Variants in NEBL observed in about 807,000 individuals in gnomAD.
NEBL encodes nebulette, also known as LIM and SH3 protein 2.
A neutral mutation model predicts 140.2 loss-of-function variants in NEBL; 122 were observed. The observed-to-expected ratio is 0.87, with a 90% CI of 0.75 to 1.01. The LOEUF (loss-of-function observed/expected upper bound fraction) is 1.01, where lower values mean the gene tolerates loss of function less well. NEBL is among the 50% of genes least tolerant of loss of function. NEBL has a pLI of 0.00. For missense variants in NEBL, 1,365 were observed against 1,231.3 expected, an observed-to-expected ratio of 1.11 and a Z score of -1.62; for synonymous variants, 436 against 398.9, an observed-to-expected ratio of 1.09 and a Z score of -1.11.
chr10:20,798,907 A>G (rs1020984826), intron 26 of NEBL, among the ~76,000 whole-genome samples: 1 of 152,120 alleles, frequency 6.6e-6, no homozygotes, highest in Non-Finnish European at 1.5e-5. Context: ...ACACTCAGAA[A>G]AGAAAACGTA....
chr10:20,834,397 G>C lies in NEBL; in HGVS notation c.1449+1116C>G, dbSNP rs570641407. Reference sequence around the variant, plus strand: ...TCATGCTCCTGGCCGTCCACCCCTGGCCACCACTTCAAAATGGAACACTTA... The same window carrying C: ...TCATGCTCCTGGCCGTCCACCCCTGCCCACCACTTCAAAATGGAACACTTA... On this transcript the variant is annotated intron_variant, in intron 14 of 27. Transcript: ENST00000377122. Among the ~76,000 whole-genome samples the C allele has an allele frequency of 2.0e-5, 3 of 152,220 alleles. No homozygotes were observed. In the East Asian group the frequency reaches 5.8e-4, roughly 29 times the overall value.
In NEBL at chr10:20,843,210, A is replaced by G. The variant is rs549000659; in HGVS notation, c.1227+2048T>C. On this transcript the variant is annotated intron_variant, in intron 12 of 27. Transcript: ENST00000377122. The stretch of plus-strand genomic sequence containing the variant: ...TATCCCTCTACTGAAGTCACAGTAC[A>G]AAGGTGTCTGCAAGCCGGTAAGAGG... Among the ~76,000 whole-genome samples, 9 of 152,184 alleles carry G rather than the reference A, an allele frequency of 5.9e-5. No individual in the cohort carries two copies. In the East Asian group the frequency reaches 1.4e-3, roughly 23 times the overall value.
intron 27 of NEBL, among the ~76,000 whole-genome samples, chr10:20,786,684 A>C (rs1835437219): frequency 6.6e-6 from 1 of 152,212 alleles, no homozygotes; most frequent in South Asian, 2.1e-4. Flanking sequence ...GACTATGTTG[A>C]GGGCTTGTAG....
chr10:20,848,496 G>A (rs1842169538), intron 11 of NEBL, among the ~76,000 whole-genome samples: 1 of 152,144 alleles, frequency 6.6e-6, no homozygotes, highest in Non-Finnish European at 1.5e-5. Context: ...ATCAACCATG[G>A]CCAGTTAGCA....
At chr10:21,183,365 G>A (rs188857878) in intron 3 of NEBL, among the ~76,000 whole-genome samples, 5 of 152,094 alleles carry the variant, frequency 3.3e-5, no homozygotes, top group Admixed American at 1.3e-4. Context: ...GGGGAGAGCC[G>A]CAACCACAGG....
chr10:20,853,657 A>G (rs183969580), intron 9 of NEBL, among the ~76,000 whole-genome samples: 5 of 152,312 alleles, frequency 3.3e-5, no homozygotes, highest in East Asian at 3.9e-4. Context: ...GCATGGTGAC[A>G]TGCACCTATA....
intron 3 of NEBL, among the ~76,000 whole-genome samples, chr10:21,238,289 A>C (rs183728026): frequency 6.6e-6 from 1 of 152,224 alleles, no homozygotes; most frequent in South Asian, 2.1e-4. Context: ...ATTGACAATT[A>C]TCATGTAACA....
intron 18 of NEBL, 133 bp downstream of exon 18, chr10:20,826,314 T>C: frequency 5.4e-6 from 4 of 746,168 alleles, no homozygotes; most frequent in Non-Finnish European, 7.0e-6. Context: ...ATCTTTGATA[T>C]ATGATGAAAT....
intron 1 of NEBL, among the ~76,000 whole-genome samples, chr10:21,253,442 A>G (rs1395103552): frequency 6.6e-6 from 1 of 152,186 alleles, no homozygotes; most frequent in East Asian, 1.9e-4. Flanking sequence ...CACAGAGGAA[A>G]AATATTGGCT....
At chr10:21,159,869 A>C (rs1564531369) in intron 2 of NEBL, among the ~76,000 whole-genome samples, 1 of 152,218 alleles carries the variant, frequency 6.6e-6, no homozygotes, top group South Asian at 2.1e-4. Context: ...TACGTATCTC[A>C]TAATGTGGCT....
intron 13 of NEBL, among the ~76,000 whole-genome samples, chr10:20,839,749 C>A (rs2130963209): frequency 6.6e-6 from 1 of 152,164 alleles, no homozygotes; most frequent in East Asian, 1.9e-4. Flanking sequence ...AATGATTATG[C>A]CAGGTGTAAG....
intron 2 of NEBL, among the ~76,000 whole-genome samples, chr10:21,110,469 T>C (rs746538644): frequency 6.6e-6 from 1 of 152,186 alleles, no homozygotes; most frequent in Non-Finnish European, 1.5e-5. Context: ...TCTTTTAATA[T>C]CTATACAATC....
chr10:21,253,297 C>T (rs1026935135), intron 1 of NEBL, among the ~76,000 whole-genome samples: 3 of 152,020 alleles, frequency 2.0e-5, no homozygotes, highest in African/African-American at 7.2e-5. Flanking sequence ...AAGGCAGAAG[C>T]CAGAGACTAC....
chr10:20,903,083 G>A (rs1008066601), intron 4 of NEBL, among the ~76,000 whole-genome samples: 1 of 152,108 alleles, frequency 6.6e-6, no homozygotes, highest in Admixed American at 6.5e-5. Flanking sequence ...TATCCATAGA[G>A]GATGTGTTCC....
intron 16 of NEBL, 57 bp from the exon 17 acceptor site, chr10:20,828,691 A>C (rs1290704128): frequency 3.7e-6 from 4 of 1,079,710 alleles, no homozygotes; most frequent in Non-Finnish European, 5.6e-6. Context: ...CACATGTGAG[A>C]GGGAGGGAGG....
chr10:21,029,193 G>A (rs1833673033), intron 2 of NEBL: 1 of 1,392,952 alleles, frequency 7.2e-7, no homozygotes, highest in Non-Finnish European at 1.0e-6. Context: ...TGTATAGGGC[G>A]CCTCCAATTG....
chr10:20,792,014 T>A (rs1221202217), intron 26 of NEBL, among the ~76,000 whole-genome samples: 1 of 151,898 alleles, frequency 6.6e-6, no homozygotes, highest in African/African-American at 2.4e-5. Context: ...AAAAAAATTA[T>A]TTGTGCAGTG....
At chr10:21,167,651 A>T (rs570645869) in intron 2 of NEBL, among the ~76,000 whole-genome samples, 1 of 152,254 alleles carries the variant, frequency 6.6e-6, no homozygotes, top group Non-Finnish European at 1.5e-5. Context: ...TGACTTATAC[A>T]CACAACAAAT....
rs11012354 is a variant in NEBL, at chr10:20,826,395, T to G, written c.1869+52A>C. 1,404 of 1,375,632 alleles carry G rather than the reference T, an allele frequency of 1.0e-3. 16 individuals are homozygous for G. In the East Asian group the frequency reaches 0.025, roughly 24 times the overall value. 85.2% of individuals were successfully genotyped at this position (1,375,632 alleles called of 1,614,324 possible). On this transcript the variant is annotated intron_variant, in intron 18 of 27. Transcript: ENST00000377122. ...GAGTAAAGAACTAAAAACATTTGTC[T>G]ATAGTTTTGGTTTGCTTTTAGAAAA...
Sources: gnomAD v4.1 joint callset for allele counts (sites outside exome capture counted in the v4.1 genomes callset) on GRCh38, gnomAD v4.1.1 for gene constraint, MANE v1.5 for transcripts, NCBI Gene and HGNC (gene_info 2026-07-23, HGNC 2026-07-21) for gene names.